Variants in CYTL1 observed in about 807,000 individuals in gnomAD.
CYTL1 encodes cytokine like 1.
Under a neutral mutation model 13.1 loss-of-function variants are expected in CYTL1, and 17 were observed. That is an observed-to-expected ratio of 1.29 (90% CI 0.89 to 1.94). The LOEUF is 1.94. Among genes scored for constraint, CYTL1 ranks in the 30% most tolerant of loss-of-function variants. The pLI is 0.00. For missense variants in CYTL1, 213 were observed against 174.8 expected (o/e 1.22, Z -1.23); for synonymous variants, 91 against 79.4 (o/e 1.15, Z -0.78).
In CYTL1 at chr4:5,015,167, G is replaced by T. The variant is rs768797314; in HGVS notation, c.395C>A (p.Pro132Gln). Residue 132 changes from proline to glutamine, a missense_variant, in exon 4 of 4, where the codon CCA becomes CAA. By Grantham distance (76) the Pro-to-Gln change is moderately conservative. Transcript: ENST00000307746. ...EYPIPVTTVL[P>Q]DRQR ...TCAGTTCCCTTAGCGCTGACGATCT[G>T]GCAGGACCGTAGTCACTGGGATTGG... 11 of 1,613,802 alleles carry T rather than the reference G, an allele frequency of 6.8e-6. 1 individual carries two copies. The South Asian group carries it at 1.2e-4, about 18-fold the overall frequency.
At chr4:5,016,624 C>G (rs762923974) in intron 3 of CYTL1, among the ~76,000 whole-genome samples, 1 of 152,130 alleles carries the variant, frequency 6.6e-6, no homozygotes, top group Non-Finnish European at 1.5e-5. Flanking sequence ...TGCATCAATG[C>G]GCAGCTCATG....
chr4:5,017,326 C>T (rs28635618), intron 1 of CYTL1, 147 bp from the exon 2 acceptor site: 91,798 of 643,752 alleles, frequency 0.14, 7,447 homozygotes, highest in Middle Eastern at 0.21. Context: ...TTTCTTGTGT[C>T]ATACGTCACA....
intron 1 of CYTL1, 103 bp from the exon 2 acceptor site, chr4:5,017,282 G>T: frequency 9.1e-7 from 1 of 1,104,472 alleles, no homozygotes; most frequent in Non-Finnish European, 1.3e-6. Context: ...CCAGATCCCT[G>T]GGGCCCTCCC....
At position 5,015,128 on chromosome 4, in the gene CYTL1, T is replaced by C. The variant is rs1167183473; in HGVS notation, c.*23A>G. 2 of 1,607,210 alleles carry C rather than the reference T, an allele frequency of 1.2e-6. No homozygotes were observed. Among genetic ancestry groups the C allele is most frequent in the South Asian group, 2.2e-5 (2 of 90,600 alleles). ...CTGACATAACTGTAGTTCTCTTGGG[T>C]TCTTTCTCTGGTCTCAGTTCCCTTA... On this transcript the variant is annotated 3_prime_UTR_variant, in exon 4 of 4. Transcript: ENST00000307746.
intron 1 of CYTL1, among the ~76,000 whole-genome samples, chr4:5,018,830 C>T (rs1333289056): frequency 6.6e-6 from 1 of 152,152 alleles, no homozygotes; most frequent in Non-Finnish European, 1.5e-5. Flanking sequence ...GAGAAATTTG[C>T]CCGGGTCCCT....
At chr4:5,017,063 C>A in intron 2 of CYTL1, 72 bp downstream of exon 2, 1 of 1,605,352 alleles carries the variant, frequency 6.2e-7, no homozygotes, top group Non-Finnish European at 8.5e-7. Context: ...CTGTGCCACA[C>A]AGCCAGCAGC....
chr4:5,017,199 G>A lies in CYTL1; in HGVS notation c.154-20C>T. ...TGGCTCCTGTGGAAAGGGATAAGGG[G>A]TTCTGGGATGCCCACAGGGGCATAC... On this transcript the variant is annotated intron_variant, in intron 1 of 3. Transcript: ENST00000307746. The A allele has an allele frequency of 4.3e-6, 7 of 1,612,724 alleles. No individual in the cohort carries two copies. Among genetic ancestry groups the A allele is most frequent in the Non-Finnish European group, 5.9e-6 (7 of 1,179,252 alleles).
rs1390442943 is a variant in CYTL1 at position 5,014,960 on chromosome 4, T to C, written c.*191A>G. 2.2e-5 allele frequency: 13 copies of C among 601,798 alleles called. No homozygotes were observed. Among genetic ancestry groups the C allele is most frequent in the Non-Finnish European group, 3.8e-5 (13 of 337,896 alleles). The allele number at this position is 601,798 out of a possible 1,614,324, so 37.3% of individuals were successfully genotyped here. The stretch of plus-strand genomic sequence containing the variant: ...TGAGTCAAGGGAATGAGAAGCATGG[T>C]TGCTAACTCTATGCTCAAAGGAGGT... On this transcript the variant is annotated 3_prime_UTR_variant, in exon 4 of 4. Coordinates refer to ENST00000307746, the MANE Select transcript of CYTL1 (RefSeq NM_018659.3).
intron 3 of CYTL1, among the ~76,000 whole-genome samples, chr4:5,015,587 C>G (rs1379846417): frequency 6.6e-6 from 1 of 152,196 alleles, no homozygotes; most frequent in Admixed American, 6.5e-5. Flanking sequence ...GACCTCACTT[C>G]AATCAATACC....
At chr4:5,015,366 A>G (rs1476845910) in intron 3 of CYTL1, 132 bp from the exon 4 acceptor site, 3 of 646,730 alleles carry the variant, frequency 4.6e-6, no homozygotes, top group Non-Finnish European at 2.7e-6. Context: ...CCCATGCCTT[A>G]CTCTCCCCAA....
intron 1 of CYTL1, among the ~76,000 whole-genome samples, chr4:5,018,073 C>T (rs1340720248): frequency 2.6e-5 from 4 of 152,172 alleles, no homozygotes; most frequent in Admixed American, 2.6e-4. Flanking sequence ...TATTCGATAA[C>T]AAGAAACTTG....
intron 3 of CYTL1, among the ~76,000 whole-genome samples, chr4:5,015,448 T>C (rs1297652438): frequency 6.6e-6 from 1 of 152,134 alleles, no homozygotes; most frequent in East Asian, 1.9e-4. Context: ...CACATTCCAA[T>C]AAAATTTCAT....
rs746248080 is a variant in CYTL1 at position 5,016,926 on chromosome 4, G to C, written c.237C>G (p.Ala79=). Residue 79 remains alanine (A), a synonymous_variant, in exon 3 of 4, where the codon GCC becomes GCG. Coordinates refer to ENST00000307746, the MANE Select transcript of CYTL1 (RefSeq NM_018659.3). Reference sequence around the variant, plus strand: ...GGGCCACTTTCCAACACGGGGGCGAGGCCACAAAGTCCCGCAGCTTGTCCA... The same window carrying C: ...GGGCCACTTTCCAACACGGGGGCGACGCCACAAAGTCCCGCAGCTTGTCCA... ...CVLDKLRDFV[A]SPPCWKVAQV... 3 of 1,614,182 alleles carry C rather than the reference G, an allele frequency of 1.9e-6. No homozygotes were observed. Among genetic ancestry groups the C allele is most frequent in the Non-Finnish European group, 8.5e-7 (1 of 1,180,032 alleles).
intron 1 of CYTL1, among the ~76,000 whole-genome samples, chr4:5,017,749 G>A (rs140799129): frequency 1.4e-3 from 212 of 151,896 alleles, no homozygotes; most frequent in African/African-American, 4.8e-3. Context: ...TTGTTCTATA[G>A]GCATTCTATA....
intron 1 of CYTL1, 95 bp from the exon 2 acceptor site, chr4:5,017,274 A>G (rs1289633409): frequency 9.9e-6 from 12 of 1,212,434 alleles, no homozygotes; most frequent in Non-Finnish European, 1.4e-5. Context: ...AGACCAGCCC[A>G]GATCCCTGGG....
chr4:5,015,490 C>G (rs73198525), intron 3 of CYTL1, among the ~76,000 whole-genome samples: 3,417 of 59,502 alleles, frequency 0.057, 47 homozygotes, highest in South Asian at 0.18. Context: ...CATTGATTGA[C>G]TAGATGGATA....
At chr4:5,015,607 C>T (rs1159174166) in intron 3 of CYTL1, among the ~76,000 whole-genome samples, 1 of 152,222 alleles carries the variant, frequency 6.6e-6, no homozygotes, top group African/African-American at 2.4e-5. Flanking sequence ...CACTTCTCAT[C>T]ACACTGTTAT....
rs1288550042 is a variant in CYTL1 at position 5,016,835 on chromosome 4, C to A, written c.327+1G>T. 1.2e-6 allele frequency: 2 copies of A among 1,614,054 alleles called. No homozygotes were observed. The highest frequency in any genetic ancestry group is 8.5e-7 in the Non-Finnish European group (1 of 1,180,030). ...ATAGACTTTCAATGGCATCCACTTA[C>A]TCTCCTGCAGAACGAGTTCATGATG... On this transcript the variant is annotated splice_donor_variant, in intron 3 of 3. Coordinates refer to ENST00000307746, the MANE Select transcript of CYTL1 (RefSeq NM_018659.3). LOFTEE classifies it high-confidence loss of function.
rs750496070 is a variant in CYTL1, at chr4:5,019,277, C to G, written c.153+16G>C. On this transcript the variant is annotated intron_variant, in intron 1 of 3. Coordinates refer to ENST00000307746, the MANE Select transcript of CYTL1 (RefSeq NM_018659.3). ...GTCTGCCATGCACCCCTGTCCTGAG[C>G]GGGCGGGGGACTCACCGAGGGCTCC... 1.4e-6 allele frequency: 2 copies of G among 1,459,226 alleles called. No individual in the cohort carries two copies. Among genetic ancestry groups the G allele is most frequent in the Admixed American group, 2.8e-5 (1 of 35,384 alleles). The allele number at this position is 1,459,226 out of a possible 1,614,324, so 90.4% of individuals were successfully genotyped here.
Sources: gnomAD v4.1 joint callset for allele counts (sites outside exome capture counted in the v4.1 genomes callset) on GRCh38, gnomAD v4.1.1 for gene constraint, MANE v1.5 for transcripts, NCBI Gene and HGNC (gene_info 2026-07-23, HGNC 2026-07-21) for gene names.